AKAP19: variants seen among roughly 807,000 people sequenced by gnomAD.
AKAP19 encodes small A-kinase anchoring protein.
At chr2:189,885,469 A>T in the AKAP19 span, among the ~76,000 whole-genome samples, 5 of 152,238 alleles carry the variant, frequency 3.3e-5, no homozygotes, top group Non-Finnish European at 4.4e-5. Flanking sequence ...TCTTTGGATA[A>T]CTTCACTCTC....
At chr2:190,170,000 A>G in the AKAP19 span, among the ~76,000 whole-genome samples, 1 of 152,256 alleles carries the variant, frequency 6.6e-6, no homozygotes, top group Non-Finnish European at 1.5e-5. Context: ...AACAGCAATT[A>G]CTTCTGCACG....
chr2:189,990,480 C>A, the AKAP19 span, among the ~76,000 whole-genome samples: 31 of 152,022 alleles, frequency 2.0e-4, no homozygotes, highest in African/African-American at 7.0e-4. Context: ...GATAGATCCC[C>A]CTTGGTCAGA....
At chr2:189,951,981 TAAAC>T in the AKAP19 span, among the ~76,000 whole-genome samples, 2 of 152,214 alleles carry the variant, frequency 1.3e-5, no homozygotes, top group African/African-American at 4.8e-5. Context: ...AAAAGAGAAC[TAAAC>T]AAACAAACTA....
the AKAP19 span, among the ~76,000 whole-genome samples, chr2:190,040,147 A>G: frequency 6.6e-6 from 1 of 152,200 alleles, no homozygotes. Flanking sequence ...CCAACGGCGT[A>G]TAAGTGTTCC....
the AKAP19 span, among the ~76,000 whole-genome samples, chr2:189,890,369 G>A: frequency 1.3e-5 from 2 of 152,228 alleles, no homozygotes; most frequent in Admixed American, 6.5e-5. Flanking sequence ...TAAGTGCAAT[G>A]TGGTGCTGAG....
the AKAP19 span, among the ~76,000 whole-genome samples, chr2:190,038,538 T>G: frequency 6.6e-6 from 1 of 152,200 alleles, no homozygotes; most frequent in Non-Finnish European, 1.5e-5. Context: ...CAATAATCTT[T>G]GATTTGCTCA....
At chr2:189,934,426 G>T in the AKAP19 span, among the ~76,000 whole-genome samples, 1 of 151,860 alleles carries the variant, frequency 6.6e-6, no homozygotes, top group African/African-American at 2.4e-5. Flanking sequence ...TTCATGCATT[G>T]TTAATGATTT....
chr2:189,917,097 ACT>A, the AKAP19 span, among the ~76,000 whole-genome samples: 2 of 152,148 alleles, frequency 1.3e-5, no homozygotes, highest in Admixed American at 6.5e-5. Context: ...ATATACTGTA[ACT>A]CTTATAGCAC....
chr2:190,046,526 G>A, the AKAP19 span, among the ~76,000 whole-genome samples: 1 of 152,074 alleles, frequency 6.6e-6, no homozygotes, highest in Non-Finnish European at 1.5e-5. Flanking sequence ...CTGAGAATTG[G>A]ATGGGAAAAA....
At chr2:190,025,640 C>G in the AKAP19 span, among the ~76,000 whole-genome samples, 2 of 152,300 alleles carry the variant, frequency 1.3e-5, no homozygotes, top group African/African-American at 4.8e-5. Context: ...GAGCATGGTG[C>G]AGACACAAAG....
At chr2:190,068,502 TG>T in the AKAP19 span, among the ~76,000 whole-genome samples, 1 of 152,146 alleles carries the variant, frequency 6.6e-6, no homozygotes, top group Admixed American at 6.5e-5. Flanking sequence ...GCTAATTTTT[TG>T]TATCTTTAGT....
the AKAP19 span, among the ~76,000 whole-genome samples, chr2:189,906,927 A>G: frequency 1.3e-5 from 2 of 152,310 alleles, no homozygotes; most frequent in South Asian, 4.1e-4. Context: ...TACATATTTT[A>G]AAATCCCAAT....
the AKAP19 span, among the ~76,000 whole-genome samples, chr2:189,886,763 T>C: frequency 1.3e-5 from 2 of 152,086 alleles, no homozygotes; most frequent in African/African-American, 4.8e-5. Flanking sequence ...AGGATAGAGG[T>C]ACTAGGTATG....
the AKAP19 span, among the ~76,000 whole-genome samples, chr2:189,911,748 A>G: frequency 2.6e-5 from 4 of 152,102 alleles, no homozygotes; most frequent in African/African-American, 7.2e-5. Context: ...GTCTTTAATG[A>G]CAATTCATTT....
At chr2:189,958,518 A>G in the AKAP19 span, among the ~76,000 whole-genome samples, 2 of 118,308 alleles carry the variant, frequency 1.7e-5, no homozygotes, top group African/African-American at 8.1e-5. Flanking sequence ...ATATACACAC[A>G]TAACATATAT....
chr2:190,014,632 C>A, the AKAP19 span, among the ~76,000 whole-genome samples: 1 of 151,996 alleles, frequency 6.6e-6, no homozygotes. Context: ...TCCAACAGTC[C>A]TCAAATGTCC....
At chr2:189,881,549 G>T in the AKAP19 span, among the ~76,000 whole-genome samples, 1 of 152,310 alleles carries the variant, frequency 6.6e-6, no homozygotes, top group African/African-American at 2.4e-5. Context: ...GAAGTCCATA[G>T]ATCTGTAGGC....
the AKAP19 span, among the ~76,000 whole-genome samples, chr2:190,012,010 T>TATAC: frequency 6.6e-6 from 1 of 152,218 alleles, no homozygotes; most frequent in Admixed American, 6.5e-5. Context: ...GTTTAATCTG[T>TATAC]AGATCACTTT....
At chr2:190,006,794 A>G in the AKAP19 span, among the ~76,000 whole-genome samples, 47,101 of 151,760 alleles carry the variant, frequency 0.31, 8,234 homozygotes, top group African/African-American at 0.49. Context: ...CGAGGTAGGC[A>G]GATCACGAGG....
Sources: allele counts gnomAD v4.1 joint callset (sites outside exome capture counted in the v4.1 genomes callset), GRCh38; gene constraint gnomAD v4.1.1; transcripts MANE v1.5; gene names NCBI Gene and HGNC (gene_info 2026-07-23, HGNC 2026-07-21).